CCAR1: variants seen among roughly 807,000 people sequenced by gnomAD.
The protein encoded by CCAR1 is cell division cycle and apoptosis regulator 1.
In CCAR1, 78 loss-of-function variants were observed where a neutral mutation model predicts 163.8. The ratio of observed to expected loss-of-function variants is 0.48; its 90% CI spans 0.40 to 0.57. The LOEUF (loss-of-function observed/expected upper bound fraction) is 0.57, where lower values mean the gene tolerates loss of function less well. Among genes scored for constraint, CCAR1 ranks in the 20% least tolerant of loss-of-function variants. The pLI, the probability that CCAR1 is intolerant of heterozygous loss-of-function variation, is 0.00. For missense variants in CCAR1, 1,019 were observed against 1,365.2 expected (o/e 0.75, Z 4.00); for synonymous variants, 443 against 460.7 (o/e 0.96, Z 0.49).
In CCAR1 at chr10:68,747,488, G is replaced by T. The variant is rs2056272609; in HGVS notation, c.748G>T (p.Ala250Ser). Residue 250 changes from alanine (A) to serine (S), a missense_variant, in exon 8 of 25, where the codon GCA (alanine) becomes TCA (serine). Around this residue, in one of 4 missense-constraint regions of CCAR1, gnomAD observed 644 missense variants for 904.4 expected, o/e 0.71. Coordinates refer to ENST00000265872, the MANE Select transcript of CCAR1 (RefSeq NM_018237.4). ...GCCCCAGCCCCAGTCACTGCTGCAG[G>T]CACAGATTTCAGCAGCTTCTATTAC... ...TQPQPQSLLQ[A>S]QISAASITPL... is the part of the protein sequence containing the mutation. 1.9e-6 allele frequency: 3 copies of T among 1,613,882 alleles called. No homozygotes were observed. Among genetic ancestry groups the T allele is most frequent in the Non-Finnish European group, 2.5e-6 (3 of 1,179,936 alleles).
intron 4 of CCAR1, 140 bp from the exon 5 acceptor site, chr10:68,740,489 A>G: frequency 1.5e-6 from 1 of 688,016 alleles, no homozygotes; most frequent in Non-Finnish European, 2.4e-6. Context: ...TGGGCAACAT[A>G]GTGAGACCTC....
chr10:68,747,308 G>A, intron 7 of CCAR1, 33 bp downstream of exon 7: 1 of 1,587,552 alleles, frequency 6.3e-7, no homozygotes, highest in Non-Finnish European at 8.6e-7. Flanking sequence ...TATTATAGAA[G>A]CTTGGTAAAT....
At chr10:68,759,518 A>AG (rs1007717336) in intron 15 of CCAR1, 1 of 152,750 alleles carries the variant, frequency 6.5e-6, no homozygotes, top group African/African-American at 2.4e-5. Flanking sequence ...GCTATAGCCC[A>AG]GTAGTTCAAG....
chr10:68,737,834 TA>T lies in CCAR1; in HGVS notation c.247-9del, dbSNP rs1295248614. 1.3e-6 allele frequency: 2 copies of T among 1,572,034 alleles called. No individual in the cohort carries two copies. Among genetic ancestry groups the T allele is most frequent in the Non-Finnish European group, 8.6e-7 (1 of 1,158,210 alleles). On this transcript the variant is annotated splice_polypyrimidine_tract_variant and intron_variant, in intron 3 of 24. Transcript: ENST00000265872. ...TATTTTTCTTTGAAAAATTTTTTTT[TA>T]ATCTTTCAGCAATATTCACAACCTC...
rs557201705 is a variant in CCAR1 at position 68,776,255 on chromosome 10, CT to C, written c.2650+3168del. 4.2e-3 allele frequency among the ~76,000 whole-genome samples: 589 copies of C among 139,038 alleles called. 3 individuals are homozygous for C. The highest frequency in any genetic ancestry group is 0.012 in the African/African-American group (440 of 35,318). 91.2% of individuals were successfully genotyped at this position (139,038 alleles called of 152,430 possible). On this transcript the variant is annotated intron_variant, in intron 19 of 24. Coordinates refer to ENST00000265872, the MANE Select transcript of CCAR1 (RefSeq NM_018237.4). ...TTTTCTTTTTCTTTTCTTTTCTTTT[CT>C]TTTTTTTTTTTAAGAGATAGGGTTG...
intron 2 of CCAR1, among the ~76,000 whole-genome samples, chr10:68,733,731 C>T (rs1213367896): frequency 1.3e-5 from 2 of 151,960 alleles, no homozygotes; most frequent in Non-Finnish European, 2.9e-5. Context: ...AGTGCAGTGG[C>T]GCGACCTTGG....
chr10:68,741,455 C>A (rs574706710), intron 5 of CCAR1, among the ~76,000 whole-genome samples: 8 of 152,164 alleles, frequency 5.3e-5, no homozygotes, highest in African/African-American at 1.7e-4. Context: ...TTTTTACAAC[C>A]TTTTGAAAGT....
intron 19 of CCAR1, among the ~76,000 whole-genome samples, chr10:68,773,887 AT>A (rs796904140): frequency 3.4e-5 from 5 of 147,766 alleles, no homozygotes; most frequent in African/African-American, 9.9e-5. Flanking sequence ...TAATTTTTAA[AT>A]TTTTTTTTTG....
chr10:68,732,392 C>T (rs2056052473), intron 2 of CCAR1, among the ~76,000 whole-genome samples: 1 of 152,040 alleles, frequency 6.6e-6, no homozygotes, highest in South Asian at 2.1e-4. Flanking sequence ...CTCTGTCACC[C>T]AGGCTGTAGT....
rs2056797792 is a variant in CCAR1 at position 68,786,573 on chromosome 10, A to G, written c.2761A>G (p.Ile921Val). 6.3e-7 allele frequency: 1 copy of G among 1,589,644 alleles called. No homozygotes were observed. Among genetic ancestry groups the G allele is most frequent in the East Asian group, 2.2e-5 (1 of 44,640 alleles). ...AAAAGAAAAGACTCAAATGATCACA[A>G]TTAACAGAGATCTGTTAATGGCTTT... is the stretch of plus-strand genomic sequence containing the variant. The part of the protein sequence containing the change: ...KEKEKTQMIT[I>V]NRDLLMAFVY... Residue 921 changes from isoleucine to valine, a missense_variant, in exon 21 of 25, where the codon ATT becomes GTT. Physicochemically the swap from Ile to Val is conservative, Grantham distance 29. Coordinates refer to ENST00000265872, the MANE Select transcript of CCAR1 (RefSeq NM_018237.4).
chr10:68,788,508 C>T (rs1017286077), intron 23 of CCAR1, among the ~76,000 whole-genome samples, 180 bp downstream of exon 23: 6 of 152,142 alleles, frequency 3.9e-5, no homozygotes, highest in African/African-American at 9.7e-5. Context: ...GTTTTTAAGA[C>T]AGGGTCTCAC....
At chr10:68,779,651 C>T (rs2056711774) in intron 19 of CCAR1, among the ~76,000 whole-genome samples, 1 of 152,180 alleles carries the variant, frequency 6.6e-6, no homozygotes, top group African/African-American at 2.4e-5. Flanking sequence ...TTTCATCACT[C>T]TTCTTTGGGA....
In CCAR1 at chr10:68,788,250, C is replaced by A; in HGVS notation, c.3109C>A (p.Leu1037Ile). The A allele has an allele frequency of 6.3e-7, 1 of 1,599,682 alleles. No individual in the cohort carries two copies. Residue 1037 changes from leucine to isoleucine, a missense_variant, in exon 23 of 25, where the codon CTC becomes ATC. Physicochemically the swap from Leu to Ile is conservative, Grantham distance 5. Around this residue, in one of 4 missense-constraint regions of CCAR1, gnomAD observed 358 missense variants for 406.4 expected, o/e 0.88. Transcript: ENST00000265872. ...TGGTGCAATGGTAGATGTAGGAAGCCTCTTGCAAAAATTGGAAAAGAGCGA... is the reference window on the plus strand; with the variant it reads ...TGGTGCAATGGTAGATGTAGGAAGCATCTTGCAAAAATTGGAAAAGAGCGA... ...YNGAMVDVGS[L>I]LQKLEKSEKV...
At position 68,749,671 on chromosome 10, in the gene CCAR1, G is replaced by C; in HGVS notation, c.1104G>C (p.Lys368Asn). The change falls in exon 10 of 25, where the codon AAG (lysine) becomes AAC (asparagine). Residue 368 changes from lysine (K) to asparagine (N), a missense_variant. Transcript: ENST00000265872. ...CACGTTACACAGTTCAGTTTTCAAAGTTTTCTTTAGATTGGTAGGTTATTC... is the reference window on the plus strand; with the variant it reads ...CACGTTACACAGTTCAGTTTTCAAACTTTTCTTTAGATTGGTAGGTTATTC... ...VVPRYTVQFSKFSLDCPSCDM... is the reference protein window; with the variant it reads ...VVPRYTVQFSNFSLDCPSCDM... The C allele has an allele frequency of 1.2e-6, 2 of 1,606,130 alleles. No homozygotes were observed. The highest frequency in any genetic ancestry group is 8.5e-7 in the Non-Finnish European group (1 of 1,174,196).
intron 2 of CCAR1, among the ~76,000 whole-genome samples, chr10:68,735,371 CTT>C (rs34103994): frequency 4.3e-5 from 5 of 115,386 alleles, no homozygotes; most frequent in African/African-American, 1.0e-4. Context: ...CGTTTTTGTG[CTT>C]TTTTTTTTTT....
chr10:68,751,420 G>T (rs765159816), intron 10 of CCAR1, among the ~76,000 whole-genome samples: 1 of 152,148 alleles, frequency 6.6e-6, no homozygotes, highest in Non-Finnish European at 1.5e-5. Flanking sequence ...CGAGAAACCA[G>T]TCGAAACCAA....
chr10:68,740,811 T>C (rs2133331548), intron 5 of CCAR1, 150 bp downstream of exon 5: 1 of 543,368 alleles, frequency 1.8e-6, no homozygotes, highest in Non-Finnish European at 3.2e-6. Flanking sequence ...GGTAGTAGTA[T>C]GCTAGTTTAT....
chr10:68,765,576 T>C (rs1184405888), intron 16 of CCAR1, among the ~76,000 whole-genome samples: 1 of 152,182 alleles, frequency 6.6e-6, no homozygotes, highest in East Asian at 1.9e-4. Flanking sequence ...AAACCTATGC[T>C]ACCACTACTA....
Position 68,767,403 on chromosome 10 carries a change from G to A in CCAR1, c.2298+1324G>A, listed in dbSNP as rs7899902. Among the ~76,000 whole-genome samples the A allele has an allele frequency of 2.6e-5, 4 of 151,752 alleles. No homozygotes were observed. In the South Asian group the frequency reaches 8.3e-4, roughly 32 times the overall value. Reference sequence around the variant, plus strand: ...CTGCCTCAGCCTCCCGGGTAGCTGAGATTACAGGCATCTGCCACAATGCCT... The same window carrying A: ...CTGCCTCAGCCTCCCGGGTAGCTGAAATTACAGGCATCTGCCACAATGCCT... On this transcript the variant is annotated intron_variant, in intron 17 of 24. Transcript: ENST00000265872.
Sources: gnomAD v4.1 joint callset for allele counts (sites outside exome capture counted in the v4.1 genomes callset) on GRCh38, gnomAD v4.1.1 for gene constraint, gnomAD v4.1.1 regional missense constraint, MANE v1.5 for transcripts, NCBI Gene and HGNC (gene_info 2026-07-23, HGNC 2026-07-21) for gene names.